RARB: variants seen among roughly 807,000 people sequenced by gnomAD.
The protein encoded by RARB is HBV-activated protein.
RARB carries 17 observed loss-of-function variants against 51.9 expected under a neutral mutation model. The ratio of observed to expected loss-of-function variants is 0.33; its 90% CI spans 0.22 to 0.49. The LOEUF is 0.49. Among genes scored for constraint, RARB ranks in the 20% least tolerant of loss-of-function variants. The pLI is 0.99. For missense variants in RARB, 369 were observed against 550.8 expected (o/e 0.67, Z 3.30); for synonymous variants, 215 against 195.4 (o/e 1.10, Z -0.84).
At chr3:24,856,551 G>A (rs920541433) in intron 1 of RARB, among the ~76,000 whole-genome samples, 7 of 152,062 alleles carry the variant, frequency 4.6e-5, no homozygotes, top group South Asian at 4.1e-4. Context: ...GACTTATGTC[G>A]TTATGCTTTG....
chr3:25,430,251 T>C (rs1339949254), intron 1 of RARB, among the ~76,000 whole-genome samples: 1 of 152,252 alleles, frequency 6.6e-6, no homozygotes, highest in Non-Finnish European at 1.5e-5. Flanking sequence ...ATGCCTTTTC[T>C]TTTTTGGTGC....
intron 5 of RARB, among the ~76,000 whole-genome samples, chr3:25,240,662 T>C (rs1372928765): frequency 6.6e-6 from 1 of 152,218 alleles, no homozygotes; most frequent in Non-Finnish European, 1.5e-5. Context: ...GAGACATTCT[T>C]ACATCCCTGA....
chr3:25,271,816 T>G (rs1218650278), intron 5 of RARB, among the ~76,000 whole-genome samples: 2 of 152,222 alleles, frequency 1.3e-5, no homozygotes, highest in African/African-American at 4.8e-5. Context: ...CTAGTAAGGC[T>G]TTTTTAAAAT....
intron 3 of RARB, among the ~76,000 whole-genome samples, chr3:25,066,879 G>C (rs182129842): frequency 6.6e-6 from 1 of 152,002 alleles, no homozygotes; most frequent in East Asian, 1.9e-4. Context: ...TTGGCTCACC[G>C]GTCTGGTCAT....
At chr3:25,311,305 G>A (rs1007724428) in intron 5 of RARB, among the ~76,000 whole-genome samples, 1 of 152,220 alleles carries the variant, frequency 6.6e-6, no homozygotes, top group Non-Finnish European at 1.5e-5. Context: ...GTGAAGACCA[G>A]ATTCTGAACC....
chr3:25,192,319 G>T (rs1028313609), intron 5 of RARB, among the ~76,000 whole-genome samples: 1 of 152,080 alleles, frequency 6.6e-6, no homozygotes, highest in Non-Finnish European at 1.5e-5. Context: ...GATTGGTAAA[G>T]ATCGTGTAAT....
intron 1 of RARB, among the ~76,000 whole-genome samples, chr3:25,449,833 C>A (rs1388102244): frequency 6.6e-6 from 1 of 151,846 alleles, no homozygotes; most frequent in East Asian, 1.9e-4. Context: ...CTCACTGCAA[C>A]CTCCACCTCC....
chr3:24,890,693 C>T (rs1703360956), intron 2 of RARB, among the ~76,000 whole-genome samples: 1 of 152,136 alleles, frequency 6.6e-6, no homozygotes, highest in Non-Finnish European at 1.5e-5. Flanking sequence ...GCTGAATAGA[C>T]ATATGGAATG....
intron 2 of RARB, among the ~76,000 whole-genome samples, chr3:24,916,341 G>A (rs995674840): frequency 6.6e-6 from 1 of 152,102 alleles, no homozygotes; most frequent in African/African-American, 2.4e-5. Context: ...CCACAGAAGG[G>A]CATCAGGAGA....
intron 5 of RARB, among the ~76,000 whole-genome samples, chr3:25,289,438 G>A (rs1703735564): frequency 6.6e-6 from 1 of 152,158 alleles, no homozygotes; most frequent in African/African-American, 2.4e-5. Flanking sequence ...AAAAGGCCAG[G>A]TCTGTCCACA....
chr3:25,427,520 GA>G (rs1708028531), upstream of RARB, among the ~76,000 whole-genome samples: 1 of 152,154 alleles, frequency 6.6e-6, no homozygotes, highest in South Asian at 2.1e-4. Context: ...TTCAAGTCCA[GA>G]TCTGAAATCT....
intron 2 of RARB, among the ~76,000 whole-genome samples, chr3:24,881,092 G>A (rs1367022991): frequency 6.6e-6 from 1 of 152,136 alleles, no homozygotes; most frequent in Middle Eastern, 3.2e-3. Context: ...CTCACTAGAG[G>A]TGATGGTTTG....
At chr3:24,837,297 A>G (rs973070129) in intron 1 of RARB, among the ~76,000 whole-genome samples, 2 of 152,226 alleles carry the variant, frequency 1.3e-5, no homozygotes. Flanking sequence ...TTGAATGAAT[A>G]TATAGTCTTG....
intron 2 of RARB, among the ~76,000 whole-genome samples, chr3:24,916,289 G>A (rs1295842668): frequency 6.6e-6 from 1 of 152,044 alleles, no homozygotes; most frequent in Non-Finnish European, 1.5e-5. Context: ...AGAATCTTAA[G>A]GATAATCAAC....
At chr3:25,280,623 G>C (rs1482685576) in intron 5 of RARB, among the ~76,000 whole-genome samples, 2 of 152,148 alleles carry the variant, frequency 1.3e-5, no homozygotes, top group African/African-American at 4.8e-5. Context: ...CACAAAGATG[G>C]AGGGTACAGA....
chr3:25,081,620 TA>T (rs1293303876), intron 3 of RARB, among the ~76,000 whole-genome samples: 15 of 18,560 alleles, frequency 8.1e-4, no homozygotes, highest in East Asian at 1.2e-3. Context: ...TATATATATA[TA>T]TTTTTTTTTT....
intron 5 of RARB, among the ~76,000 whole-genome samples, chr3:25,580,936 C>T (rs1036112581): frequency 1.3e-5 from 2 of 152,094 alleles, no homozygotes; most frequent in East Asian, 1.9e-4. Context: ...CTGAGGTCTG[C>T]GAGGCTCAAA....
At chr3:24,925,655 T>TTAAA (rs775570019) in intron 2 of RARB, among the ~76,000 whole-genome samples, 3 of 104,786 alleles carry the variant, frequency 2.9e-5, no homozygotes, top group East Asian at 3.0e-4. Context: ...TTTTTTTTTT[T>TTAAA]AAAAAAAAAA....
intron 5 of RARB, among the ~76,000 whole-genome samples, chr3:25,212,184 G>A (rs1701715285): frequency 6.6e-6 from 1 of 152,134 alleles, no homozygotes; most frequent in African/African-American, 2.4e-5. Context: ...TTATTTTTAT[G>A]TTTCTAAAAT....
Sources: allele counts gnomAD v4.1 joint callset (sites outside exome capture counted in the v4.1 genomes callset), GRCh38; gene constraint gnomAD v4.1.1; transcripts MANE v1.5; gene names NCBI Gene and HGNC (gene_info 2026-07-23, HGNC 2026-07-21).